Variants in SGCZ observed in about 807,000 individuals in gnomAD.
SGCZ encodes sarcoglycan zeta.
A neutral mutation model predicts 41.3 loss-of-function variants in SGCZ; 40 were observed. The ratio of observed to expected loss-of-function variants is 0.97; its 90% CI spans 0.75 to 1.26. The LOEUF (loss-of-function observed/expected upper bound fraction) is 1.26. SGCZ is among the 50% of genes most tolerant of loss of function. SGCZ has a pLI of 0.00. For synonymous variants in SGCZ, 206 were observed against 137.5 expected, an observed-to-expected ratio of 1.50 and a Z score of -3.49; for missense variants, 552 against 369.8, an observed-to-expected ratio of 1.49 and a Z score of -4.04.
chr8:14,467,893 A>G (rs1014456989), intron 2 of SGCZ, among the ~76,000 whole-genome samples: 26 of 152,110 alleles, frequency 1.7e-4, no homozygotes, highest in African/African-American at 6.3e-4. Flanking sequence ...CACACATGCT[A>G]AAGATTATGT....
intron 7 of SGCZ, among the ~76,000 whole-genome samples, chr8:14,101,028 T>C (rs1010039036): frequency 1.1e-4 from 17 of 152,050 alleles, no homozygotes; most frequent in African/African-American, 4.1e-4. Context: ...TAAAAATATA[T>C]AGACTAGCAT....
chr8:14,449,235 T>C (rs964467273), intron 2 of SGCZ, among the ~76,000 whole-genome samples: 1 of 152,216 alleles, frequency 6.6e-6, no homozygotes, highest in African/African-American at 2.4e-5. Context: ...GCTATAGTAA[T>C]GAACTTACTT....
intron 3 of SGCZ, among the ~76,000 whole-genome samples, chr8:14,245,718 G>A (rs944872712): frequency 6.6e-6 from 1 of 151,992 alleles, no homozygotes; most frequent in Non-Finnish European, 1.5e-5. Flanking sequence ...CTAATATCCA[G>A]AATCAACAAT....
intron 2 of SGCZ, among the ~76,000 whole-genome samples, chr8:14,383,723 A>G (rs893602277): frequency 6.6e-6 from 1 of 152,052 alleles, no homozygotes; most frequent in African/African-American, 2.4e-5. Context: ...AGTGAAACAT[A>G]TTCAGCGGAA....
At chr8:15,179,978 T>C (rs1800118682) in intron 1 of SGCZ, among the ~76,000 whole-genome samples, 1 of 152,176 alleles carries the variant, frequency 6.6e-6, no homozygotes, top group Admixed American at 6.5e-5. Flanking sequence ...GAAATTTAGG[T>C]CAAAATGTCC....
intron 2 of SGCZ, among the ~76,000 whole-genome samples, chr8:14,551,453 T>G (rs1423919418): frequency 9.4e-4 from 2 of 2,128 alleles, no homozygotes; most frequent in Non-Finnish European, 4.5e-3. Context: ...TTCATATATA[T>G]ATTATATATA....
At chr8:14,375,812 AAGC>A (rs1804100161) in intron 2 of SGCZ, among the ~76,000 whole-genome samples, 2 of 152,194 alleles carry the variant, frequency 1.3e-5, no homozygotes, top group Non-Finnish European at 2.9e-5. Context: ...TTAAAATCAG[AAGC>A]AGAACAATAA....
intron 3 of SGCZ, among the ~76,000 whole-genome samples, chr8:14,312,993 C>T (rs1801598311): frequency 6.6e-6 from 1 of 152,138 alleles, no homozygotes; most frequent in Admixed American, 6.6e-5. Context: ...GTAGGAATTT[C>T]CCAGTGGTTA....
At chr8:14,853,368 A>G in intron 1 of SGCZ, 2 of 477,030 alleles carry the variant, frequency 4.2e-6, no homozygotes, top group South Asian at 3.0e-5. Flanking sequence ...CAGTCCACCA[A>G]ATGCAGTTCC....
At chr8:14,176,247 T>C (rs1322048600) in intron 4 of SGCZ, among the ~76,000 whole-genome samples, 1 of 152,204 alleles carries the variant, frequency 6.6e-6, no homozygotes, top group African/African-American at 2.4e-5. Context: ...CTGAATATTT[T>C]ACAAGGCAGG....
intron 1 of SGCZ, among the ~76,000 whole-genome samples, chr8:14,882,108 C>A (rs1185606792): frequency 6.6e-6 from 1 of 152,176 alleles, no homozygotes; most frequent in East Asian, 1.9e-4. Flanking sequence ...ACTAAATGCT[C>A]ACATCAAAAA....
At chr8:15,050,752 C>A (rs142963383) in intron 1 of SGCZ, among the ~76,000 whole-genome samples, 100 of 151,974 alleles carry the variant, frequency 6.6e-4, no homozygotes, top group African/African-American at 2.3e-3. Context: ...GGGGAGAAAG[C>A]ATGTAAATAT....
At position 14,089,483 on chromosome 8, in the gene SGCZ, G is replaced by T. The variant is rs1165192671; in HGVS notation, c.*960C>A. ...TATTAGTATTATTTATTTAGAAGAT[G>T]TTTGAATTTTAGCAGTCAGAATCAA... On this transcript the variant is annotated 3_prime_UTR_variant, in exon 8 of 8. Coordinates refer to ENST00000382080, the MANE Select transcript of SGCZ (RefSeq NM_139167.4). 3.9e-5 allele frequency among the ~76,000 whole-genome samples: 6 copies of T among 151,986 alleles called. No homozygotes were observed. Among genetic ancestry groups the T allele is most frequent in the Admixed American group, 3.3e-4 (5 of 15,232 alleles).
chr8:14,524,923 C>T (rs1802894471), intron 2 of SGCZ, among the ~76,000 whole-genome samples: 1 of 151,930 alleles, frequency 6.6e-6, no homozygotes, highest in Non-Finnish European at 1.5e-5. Flanking sequence ...AATTCTGGGT[C>T]CACTGTCAAG....
chr8:14,843,823 C>A (rs1183707901), intron 1 of SGCZ, among the ~76,000 whole-genome samples: 1 of 151,776 alleles, frequency 6.6e-6, no homozygotes, highest in Non-Finnish European at 1.5e-5. Flanking sequence ...AATTTTAAGC[C>A]TAATCAAAAA....
intron 2 of SGCZ, among the ~76,000 whole-genome samples, chr8:14,479,122 A>G (rs1801447790): frequency 6.6e-6 from 1 of 152,188 alleles, no homozygotes; most frequent in South Asian, 2.1e-4. Context: ...GTCCCACGAT[A>G]GGCCATCAGC....
At chr8:14,960,808 T>C (rs1026892794) in intron 1 of SGCZ, among the ~76,000 whole-genome samples, 3 of 151,852 alleles carry the variant, frequency 2.0e-5, no homozygotes, top group Non-Finnish European at 4.4e-5. Context: ...AAATCACTGA[T>C]TTTTTTTACA....
intron 1 of SGCZ, among the ~76,000 whole-genome samples, chr8:14,714,999 A>T (rs1809642276): frequency 6.6e-6 from 1 of 152,178 alleles, no homozygotes; most frequent in Admixed American, 6.5e-5. Flanking sequence ...TTAGCCTTCC[A>T]ATGGTCTGGT....
chr8:14,494,512 C>T (rs891571120), intron 2 of SGCZ, among the ~76,000 whole-genome samples: 1 of 152,086 alleles, frequency 6.6e-6, no homozygotes, highest in Non-Finnish European at 1.5e-5. Flanking sequence ...AATACATACA[C>T]ACATGCACAC....
Sources: allele counts gnomAD v4.1 joint callset (sites outside exome capture counted in the v4.1 genomes callset), GRCh38; gene constraint gnomAD v4.1.1; transcripts MANE v1.5; gene names NCBI Gene and HGNC (gene_info 2026-07-23, HGNC 2026-07-21).